KCNH1: variants seen among roughly 807,000 people sequenced by gnomAD.
KCNH1 encodes voltage-gated delayed rectifier potassium channel KCNH1.
Under a neutral mutation model 69.2 loss-of-function variants are expected in KCNH1, and 27 were observed. The ratio of observed to expected loss-of-function variants is 0.39; its 90% CI spans 0.29 to 0.54. The LOEUF (loss-of-function observed/expected upper bound fraction) is 0.54, where lower values mean the gene tolerates loss of function less well. KCNH1 is among the 20% of genes least tolerant of loss of function. KCNH1 has a pLI of 0.68. For missense variants in KCNH1, 798 were observed against 1,261.6 expected, an observed-to-expected ratio of 0.63 and a Z score of 5.57; for synonymous variants, 456 against 487.7, an observed-to-expected ratio of 0.93 and a Z score of 0.86.
intron 5 of KCNH1, among the ~76,000 whole-genome samples, chr1:211,035,513 G>T (rs1431646855): frequency 6.6e-6 from 1 of 151,792 alleles, no homozygotes; most frequent in South Asian, 2.1e-4. Context: ...CTCCCAAAGT[G>T]CTGGGATTAC....
chr1:210,801,878 ACT>A (rs1233986107), intron 8 of KCNH1, among the ~76,000 whole-genome samples: 1 of 152,114 alleles, frequency 6.6e-6, no homozygotes, highest in Non-Finnish European at 1.5e-5. Context: ...AATTAGAATG[ACT>A]CTGTTTGGAC....
At chr1:211,032,921 T>C (rs1689817557) in intron 5 of KCNH1, among the ~76,000 whole-genome samples, 3 of 152,226 alleles carry the variant, frequency 2.0e-5, no homozygotes, top group South Asian at 4.2e-4. Context: ...GGGATCTAAT[T>C]AAACTAAAGA....
At chr1:211,002,353 T>TATATAC (rs1553369892) in intron 6 of KCNH1, among the ~76,000 whole-genome samples, 1 of 144,996 alleles carries the variant, frequency 6.9e-6, no homozygotes, top group Non-Finnish European at 1.5e-5. Context: ...TATATATATA[T>TATATAC]ACACACACAC....
In KCNH1 at chr1:210,766,019, C is replaced by T. The variant is rs545674703; in HGVS notation, c.2112+9329G>A. On this transcript the variant is annotated intron_variant, in intron 10 of 10. Transcript: ENST00000271751. ...TGGAGGTTGCAGGGAGCCGAGATCG[C>T]GCCACTGCACCCCAGCCTGGGCAAC... Among the ~76,000 whole-genome samples the T allele has an allele frequency of 5.3e-5, 8 of 151,942 alleles. No individual in the cohort carries two copies. In the South Asian group the frequency reaches 6.2e-4, roughly 12 times the overall value.
At chr1:210,979,089 A>G (rs1157404408) in intron 6 of KCNH1, among the ~76,000 whole-genome samples, 3 of 152,150 alleles carry the variant, frequency 2.0e-5, no homozygotes, top group African/African-American at 4.8e-5. Flanking sequence ...GAGATTGTCA[A>G]TTCCACTGAC....
At chr1:210,834,123 G>A (rs1685227866) in intron 7 of KCNH1, among the ~76,000 whole-genome samples, 1 of 152,100 alleles carries the variant, frequency 6.6e-6, no homozygotes, top group South Asian at 2.1e-4. Flanking sequence ...GGAAGTCAGT[G>A]TGGCGATTCC....
intron 5 of KCNH1, among the ~76,000 whole-genome samples, chr1:211,038,296 C>A (rs1283567731): frequency 6.6e-6 from 1 of 152,076 alleles, no homozygotes; most frequent in Non-Finnish European, 1.5e-5. Flanking sequence ...CATTTGCCTG[C>A]CACCATGATT....
chr1:210,945,487 T>C (rs1283505814), intron 6 of KCNH1, among the ~76,000 whole-genome samples: 1 of 152,218 alleles, frequency 6.6e-6, no homozygotes, highest in Non-Finnish European at 1.5e-5. Flanking sequence ...CCAAGCCACC[T>C]GGTTCAGGAT....
chr1:211,063,056 C>G (rs1690459298), intron 5 of KCNH1, among the ~76,000 whole-genome samples: 1 of 152,186 alleles, frequency 6.6e-6, no homozygotes, highest in African/African-American at 2.4e-5. Context: ...TGGAATCAAC[C>G]TAAGTGTGCA....
In KCNH1 at chr1:210,683,806, C is replaced by A. The variant is rs1389369287; in HGVS notation, c.2445G>T (p.Gln815His). The change falls in exon 11 of 11, where the codon CAG becomes CAT. Residue 815 changes from glutamine to histidine, a missense_variant. By Grantham distance (24) the Gln-to-His change is conservative. Around this residue, in one of 4 missense-constraint regions of KCNH1, gnomAD observed 331 missense variants for 363.2 expected, o/e 0.91. Transcript: ENST00000271751. The surrounding 1 kb of genome is among the most constrained non-coding windows in gnomAD (Gnocchi z 5.7). ...GGCCCAGGCACTCGGACCCTGGCGC[C>A]TGTAGCTTTGCGTGGTCTGGCACCC... ...TSGVPDHAKL[Q>H]APGSECLGPK... The A allele has an allele frequency of 3.7e-6, 6 of 1,613,746 alleles. No homozygotes were observed. The highest frequency in any genetic ancestry group is 5.1e-6 in the Non-Finnish European group (6 of 1,180,056).
chr1:210,997,021 T>C (rs1689057715), intron 6 of KCNH1, among the ~76,000 whole-genome samples: 1 of 152,060 alleles, frequency 6.6e-6, no homozygotes, highest in Non-Finnish European at 1.5e-5. Context: ...TACATCACCA[T>C]CATCAAAGAC....
At chr1:210,748,234 G>A (rs979358570) in intron 10 of KCNH1, among the ~76,000 whole-genome samples, 2 of 152,234 alleles carry the variant, frequency 1.3e-5, no homozygotes, top group African/African-American at 4.8e-5. Flanking sequence ...GAGTGGGATA[G>A]TGGGTATCTG....
intron 3 of KCNH1, among the ~76,000 whole-genome samples, chr1:211,101,174 G>A (rs906123668): frequency 2.0e-5 from 3 of 152,224 alleles, no homozygotes; most frequent in South Asian, 4.1e-4. Context: ...GCTCTGTTCC[G>A]TGGATGCTGC....
intron 5 of KCNH1, among the ~76,000 whole-genome samples, chr1:211,024,016 C>T (rs566320126): frequency 7.7e-4 from 118 of 152,262 alleles, no homozygotes; most frequent in African/African-American, 2.8e-3. Context: ...TTCATCATTA[C>T]ATACTGCATA....
intron 10 of KCNH1, among the ~76,000 whole-genome samples, chr1:210,718,246 G>A (rs558074347): frequency 2.1e-4 from 21 of 100,156 alleles, no homozygotes; most frequent in African/African-American, 9.4e-4. Context: ...AAAGTACTAA[G>A]TCTTCTATAA....
chr1:210,900,250 G>A (rs73071546), intron 7 of KCNH1, among the ~76,000 whole-genome samples: 3,089 of 152,306 alleles, frequency 0.02, 110 homozygotes, highest in African/African-American at 0.069. Context: ...CCCCATTCAC[G>A]TACCAAGGGA....
chr1:210,876,403 T>C (rs1247124349), intron 7 of KCNH1, among the ~76,000 whole-genome samples: 4 of 152,118 alleles, frequency 2.6e-5, no homozygotes, highest in Non-Finnish European at 5.9e-5. Flanking sequence ...TCCATTTCAG[T>C]TGACAGCCAC....
chr1:211,062,478 T>C (rs1690448841), intron 5 of KCNH1, among the ~76,000 whole-genome samples: 1 of 152,016 alleles, frequency 6.6e-6, no homozygotes, highest in African/African-American at 2.4e-5. Flanking sequence ...TCATATCAAG[T>C]TAAAAATCTT....
At chr1:210,684,637 C>T (rs2149001625) in intron 10 of KCNH1, among the ~76,000 whole-genome samples, 1 of 152,268 alleles carries the variant, frequency 6.6e-6, no homozygotes, top group South Asian at 2.1e-4. Flanking sequence ...CAAGAAAGTC[C>T]CCAGGCAAGG....
Sources: allele counts gnomAD v4.1 joint callset (sites outside exome capture counted in the v4.1 genomes callset), GRCh38; gene constraint gnomAD v4.1.1; regional missense constraint gnomAD v4.1.1; non-coding constraint Gnocchi (gnomAD v3.1); transcripts MANE v1.5; gene names NCBI Gene and HGNC (gene_info 2026-07-23, HGNC 2026-07-21).